AUTS2: variants seen among roughly 807,000 people sequenced by gnomAD.
AUTS2 encodes autism susceptibility gene 2 protein.
A neutral mutation model predicts 112.4 loss-of-function variants in AUTS2; 17 were observed. The observed-to-expected ratio is 0.15, with a 90% CI of 0.10 to 0.23. The LOEUF (loss-of-function observed/expected upper bound fraction) is 0.23. AUTS2 is among the 10% of genes least tolerant of loss of function. The probability of loss-of-function intolerance (pLI) is 1.00; values close to 1 mark genes in which losing one functional copy is unlikely to be tolerated. For synonymous variants in AUTS2, 751 were observed against 702.7 expected (o/e 1.07, Z -1.09); for missense variants, 1,510 against 1,701.6 (o/e 0.89, Z 1.98).
At chr7:70,046,914 A>T (rs1248926114) in intron 2 of AUTS2, among the ~76,000 whole-genome samples, 1 of 152,140 alleles carries the variant, frequency 6.6e-6, no homozygotes, top group East Asian at 1.9e-4. Context: ...TGTGCATTTA[A>T]ACCCAAGTTT....
At chr7:70,556,259 CCATGAGAGGTCTGCCCT>C in intron 5 of AUTS2, among the ~76,000 whole-genome samples, 1 of 152,292 alleles carries the variant, frequency 6.6e-6, no homozygotes. Flanking sequence ...CAGCACCAAA[CCATGAGAGGTCTGCCCT>C]CATGACACAG....
At chr7:69,719,039 A>G (rs1017624632) in intron 1 of AUTS2, among the ~76,000 whole-genome samples, 1 of 152,184 alleles carries the variant, frequency 6.6e-6, no homozygotes, top group Non-Finnish European at 1.5e-5. Context: ...CATCTCTTCA[A>G]AATGGCTGTC....
At chr7:70,579,923 C>G (rs1345931279) in intron 5 of AUTS2, among the ~76,000 whole-genome samples, 6 of 152,158 alleles carry the variant, frequency 3.9e-5, no homozygotes, top group African/African-American at 1.4e-4. Context: ...CTGGAAGAAG[C>G]AGGAAGATAG....
At chr7:70,228,997 C>A (rs1811912504) in intron 4 of AUTS2, among the ~76,000 whole-genome samples, 1 of 151,734 alleles carries the variant, frequency 6.6e-6, no homozygotes, top group African/African-American at 2.4e-5. Flanking sequence ...TATATTCTTT[C>A]TCTCTTTCTT....
intron 4 of AUTS2, among the ~76,000 whole-genome samples, chr7:70,219,571 TC>T (rs1044752380): frequency 9.3e-5 from 14 of 151,118 alleles, no homozygotes; most frequent in Admixed American, 4.6e-4. Context: ...TTTTTTCTTT[TC>T]CTTTTTTTTT....
chr7:69,943,036 A>G (rs987385672), intron 2 of AUTS2, among the ~76,000 whole-genome samples: 2 of 152,222 alleles, frequency 1.3e-5, no homozygotes, highest in African/African-American at 4.8e-5. Context: ...ATTCACCCAC[A>G]CATGTGTATA....
intron 1 of AUTS2, among the ~76,000 whole-genome samples, chr7:69,667,935 C>T (rs1367814231): frequency 6.6e-6 from 1 of 152,214 alleles, no homozygotes; most frequent in Non-Finnish European, 1.5e-5. Flanking sequence ...ACCTATCTTA[C>T]TTGTTTTTCT....
intron 4 of AUTS2, among the ~76,000 whole-genome samples, chr7:70,242,315 C>T (rs1812657070): frequency 6.6e-6 from 1 of 152,154 alleles, no homozygotes; most frequent in African/African-American, 2.4e-5. Context: ...TGCACCAGAG[C>T]ATTGCCAGAG....
At chr7:70,072,228 G>A (rs1429788161) in intron 2 of AUTS2, among the ~76,000 whole-genome samples, 1 of 152,082 alleles carries the variant, frequency 6.6e-6, no homozygotes, top group Non-Finnish European at 1.5e-5. Context: ...GATCATGGCA[G>A]TATTGTTTTT....
intron 5 of AUTS2, among the ~76,000 whole-genome samples, chr7:70,505,154 GA>G (rs1166984059): frequency 6.6e-6 from 1 of 152,160 alleles, no homozygotes; most frequent in Non-Finnish European, 1.5e-5. Flanking sequence ...CTCAATAGAT[GA>G]CTGTAAGCAT....
chr7:70,575,396 T>C (rs1268326320), intron 5 of AUTS2, among the ~76,000 whole-genome samples: 2 of 152,038 alleles, frequency 1.3e-5, no homozygotes, highest in Admixed American at 6.6e-5. Context: ...AGCCCAGGCC[T>C]CTCCACCTTC....
intron 4 of AUTS2, among the ~76,000 whole-genome samples, chr7:70,370,587 A>C (rs779761208): frequency 6.6e-6 from 1 of 152,202 alleles, no homozygotes; most frequent in African/African-American, 2.4e-5. Flanking sequence ...TCATTAATTG[A>C]TAGACATTGG....
intron 1 of AUTS2, 95 bp downstream of exon 1, chr7:69,600,057 T>G (rs994463151): frequency 5.6e-5 from 49 of 876,292 alleles, no homozygotes; most frequent in Non-Finnish European, 7.2e-5. Context: ...CTCCGGGCTG[T>G]CTGTCTGTCT....
intron 4 of AUTS2, among the ~76,000 whole-genome samples, chr7:70,189,335 A>C (rs143955800): frequency 6.6e-6 from 1 of 152,180 alleles, no homozygotes; most frequent in Non-Finnish European, 1.5e-5. Context: ...GATAAGCCCA[A>C]CTCCCTACTG....
chr7:70,430,899 G>T (rs1309285982), intron 4 of AUTS2, among the ~76,000 whole-genome samples: 1 of 149,400 alleles, frequency 6.7e-6, no homozygotes, highest in East Asian at 2.0e-4. Flanking sequence ...GCAGTGGCGG[G>T]ATCTCGGCTC....
intron 5 of AUTS2, among the ~76,000 whole-genome samples, chr7:70,456,899 T>G (rs561102977): frequency 6.6e-6 from 1 of 152,318 alleles, no homozygotes; most frequent in South Asian, 2.1e-4. Context: ...CCTGCAGCCT[T>G]GCCTCCCTGC....
rs542267851 is a variant in AUTS2 at position 70,761,835 on chromosome 7, A to G, written c.743-1035A>G. 8.5e-5 allele frequency among the ~76,000 whole-genome samples: 13 copies of G among 152,314 alleles called. No individual in the cohort carries two copies. In the South Asian group the frequency reaches 2.7e-3, roughly 32 times the overall value. ...AAATTTAATATCCAAGGTTAGTCTC[A>G]ATGTCCAGCACCCCTTTAACTTGGT... On this transcript the variant is annotated intron_variant, in intron 6 of 18. Coordinates refer to ENST00000342771, the MANE Select transcript of AUTS2 (RefSeq NM_015570.4).
chr7:70,773,385 A>T (rs530227488), intron 11 of AUTS2, among the ~76,000 whole-genome samples: 1 of 152,308 alleles, frequency 6.6e-6, no homozygotes, highest in African/African-American at 2.4e-5. Context: ...AAGCTCACAG[A>T]TAAGGTTAAT....
At chr7:70,367,850 A>G (rs1792656042) in intron 4 of AUTS2, among the ~76,000 whole-genome samples, 1 of 152,208 alleles carries the variant, frequency 6.6e-6, no homozygotes, top group Admixed American at 6.5e-5. Flanking sequence ...GACCTTTAGC[A>G]ACAACTTTTT....
Sources: allele counts gnomAD v4.1 joint callset (sites outside exome capture counted in the v4.1 genomes callset), GRCh38; gene constraint gnomAD v4.1.1; transcripts MANE v1.5; gene names NCBI Gene and HGNC (gene_info 2026-07-23, HGNC 2026-07-21).